Variants in DMD observed in about 807,000 individuals in gnomAD.
DMD encodes the protein mutant dystrophin.
A neutral mutation model predicts 330.1 loss-of-function variants in DMD; 63 were observed. The observed-to-expected ratio is 0.19, with a 90% CI of 0.16 to 0.24. The LOEUF (loss-of-function observed/expected upper bound fraction) is 0.24, where lower values mean the gene tolerates loss of function less well. DMD is among the 10% of genes least tolerant of loss of function. DMD has a pLI of 1.00. For missense variants in DMD, 3,344 were observed against 2,684.1 expected, an observed-to-expected ratio of 1.25 and a Z score of -5.43; for synonymous variants, 1,223 against 959.8, an observed-to-expected ratio of 1.27 and a Z score of -5.07.
chrX:32,596,442 T>C (rs1255302774), intron 12 of DMD, among the ~76,000 whole-genome samples: 1 of 111,960 alleles, frequency 8.9e-6, no homozygotes, highest in African/African-American at 3.2e-5. Context: ...AACCATTTGT[T>C]ATAGCGTCTT....
At chrX:32,920,435 C>T (rs772576463) in intron 2 of DMD, among the ~76,000 whole-genome samples, 2 of 111,505 alleles carry the variant, frequency 1.8e-5, no homozygotes. Flanking sequence ...TAAATAAATG[C>T]AGTAAAAAGC....
chrX:33,187,857 C>T (rs1008465002), intron 1 of DMD, among the ~76,000 whole-genome samples: 4 of 111,383 alleles, frequency 3.6e-5, no homozygotes, highest in South Asian at 3.7e-4. Context: ...TGTATAATTA[C>T]GTATATACAT....
chrX:32,897,624 C>G (rs1411621767), intron 2 of DMD, among the ~76,000 whole-genome samples: 1 of 112,267 alleles, frequency 8.9e-6, no homozygotes, highest in Non-Finnish European at 1.9e-5. Context: ...TTATATAATA[C>G]AAGTCGAAAA....
intron 43 of DMD, among the ~76,000 whole-genome samples, chrX:32,282,690 A>C (rs1416612438): frequency 8.9e-6 from 1 of 112,259 alleles, no homozygotes; most frequent in Non-Finnish European, 1.9e-5. Flanking sequence ...TTCTCATCTA[A>C]AGCGTAATGT....
At chrX:32,274,415 C>G (rs1029461187) in intron 43 of DMD, among the ~76,000 whole-genome samples, 2 of 111,934 alleles carry the variant, frequency 1.8e-5, no homozygotes, top group Non-Finnish European at 3.8e-5. Context: ...AAACTAACCT[C>G]TAAGTGAACT....
At chrX:31,529,368 G>C (rs189438313) in intron 55 of DMD, among the ~76,000 whole-genome samples, 2 of 110,969 alleles carry the variant, frequency 1.8e-5, no homozygotes, top group Non-Finnish European at 1.9e-5. Flanking sequence ...CTGGGTGACA[G>C]AGCAAGACTC....
intron 7 of DMD, among the ~76,000 whole-genome samples, chrX:32,808,392 A>G (rs780680714): frequency 9.8e-5 from 11 of 111,913 alleles, no homozygotes; most frequent in Non-Finnish European, 1.9e-4. Flanking sequence ...TGCTTGTTAT[A>G]TCTCATTTAA....
At chrX:32,793,606 A>T (rs769327910) in intron 7 of DMD, among the ~76,000 whole-genome samples, 1 of 111,774 alleles carries the variant, frequency 8.9e-6, no homozygotes, top group East Asian at 2.8e-4. Context: ...CCATAGAAAT[A>T]AAAAGTTCAG....
chrX:32,209,851 C>T (rs1012007351), intron 44 of DMD, among the ~76,000 whole-genome samples: 1 of 111,533 alleles, frequency 9.0e-6, no homozygotes, highest in Non-Finnish European at 1.9e-5. Context: ...CCATGCTGGA[C>T]AACGGAAGTC....
chrX:32,396,015 G>A (rs1383540547), intron 30 of DMD, among the ~76,000 whole-genome samples: 4 of 110,865 alleles, frequency 3.6e-5, no homozygotes, highest in African/African-American at 6.6e-5. Flanking sequence ...CAAAGATAGC[G>A]TAAGTGATCA....
At chrX:32,472,830 C>T (rs1010958275) in intron 21 of DMD, among the ~76,000 whole-genome samples, 2 of 111,074 alleles carry the variant, frequency 1.8e-5, no homozygotes, top group African/African-American at 6.5e-5. Context: ...GTATATGTAT[C>T]AAGAACTCTA....
At chrX:31,312,484 T>C (rs756407788) in intron 62 of DMD, among the ~76,000 whole-genome samples, 1 of 112,202 alleles carries the variant, frequency 8.9e-6, no homozygotes, top group East Asian at 2.8e-4. Flanking sequence ...TGTGGAGAAA[T>C]GGGAACGCTT....
intron 1 of DMD, among the ~76,000 whole-genome samples, chrX:33,165,755 A>G (rs1048988596): frequency 9.0e-6 from 1 of 111,706 alleles, no homozygotes; most frequent in African/African-American, 3.2e-5. Flanking sequence ...TAAGTAGTAA[A>G]CAAAGGGGGA....
chrX:32,019,942 G>C (rs1350291220), intron 44 of DMD, among the ~76,000 whole-genome samples: 1 of 112,541 alleles, frequency 8.9e-6, no homozygotes, highest in Non-Finnish European at 1.9e-5. Flanking sequence ...TAAAGCCCTA[G>C]CACAAATTCT....
intron 60 of DMD, among the ~76,000 whole-genome samples, chrX:31,386,923 C>A (rs2148762753): frequency 9.0e-6 from 1 of 111,588 alleles, no homozygotes; most frequent in Non-Finnish European, 1.9e-5. Flanking sequence ...TTATGGTTGA[C>A]ATCTCACCAC....
intron 12 of DMD, among the ~76,000 whole-genome samples, chrX:32,606,992 A>G (rs2056773317): frequency 9.1e-6 from 1 of 109,600 alleles, no homozygotes; most frequent in African/African-American, 3.3e-5. Flanking sequence ...ACAAAAGATT[A>G]TAGGCTGGTA....
At chrX:31,949,917 G>A (rs903482070) in intron 45 of DMD, among the ~76,000 whole-genome samples, 1 of 108,400 alleles carries the variant, frequency 9.2e-6, no homozygotes, top group Admixed American at 9.9e-5. Flanking sequence ...TCTAGCTAAA[G>A]CTTCTCCATG....
At chrX:31,134,421 C>A (rs2034925918) in intron 76 of DMD, among the ~76,000 whole-genome samples, 1 of 79,661 alleles carries the variant, frequency 1.3e-5, no homozygotes, top group South Asian at 6.6e-4. Context: ...AACTGTATAT[C>A]TTTTTTTTTT....
chrX:33,018,364 A>AT (rs2093845022), intron 2 of DMD, among the ~76,000 whole-genome samples: 1 of 111,806 alleles, frequency 8.9e-6, no homozygotes, highest in African/African-American at 3.2e-5. Flanking sequence ...ATATATGTGA[A>AT]TATTTTACAG....
Sources: allele counts gnomAD v4.1 joint callset (sites outside exome capture counted in the v4.1 genomes callset), GRCh38; gene constraint gnomAD v4.1.1; transcripts MANE v1.5; gene names NCBI Gene and HGNC (gene_info 2026-07-23, HGNC 2026-07-21).